SH3KBP1: variants seen among roughly 807,000 people sequenced by gnomAD.
SH3KBP1 encodes SH3 domain containing kinase binding protein 1, also known as SH3 domain-containing kinase-binding protein 1.
In SH3KBP1, 8 loss-of-function variants were observed where a neutral mutation model predicts 50.1. The observed-to-expected ratio is 0.16, with a 90% CI of 0.09 to 0.29. The LOEUF is 0.29. Among genes scored for constraint, SH3KBP1 ranks in the 10% least tolerant of loss-of-function variants. The pLI is 1.00. For synonymous variants in SH3KBP1, 227 were observed against 218.6 expected (o/e 1.04, Z -0.34); for missense variants, 377 against 535.2 (o/e 0.70, Z 2.92).
At chrX:19,607,822 TG>T (rs2067286109) in intron 9 of SH3KBP1, 115 bp downstream of exon 9, 1 of 579,548 alleles carries the variant, frequency 1.7e-6, no homozygotes, top group African/African-American at 2.2e-5. Context: ...GCTCAGAATC[TG>T]GGTCTGTTGA....
chrX:19,613,932 A>G (rs2067515769), intron 8 of SH3KBP1, among the ~76,000 whole-genome samples: 1 of 112,911 alleles, frequency 8.9e-6, no homozygotes, highest in Non-Finnish European at 1.9e-5. Flanking sequence ...ATAAAGAGTG[A>G]CACAAGAGCT....
At chrX:19,757,552 T>C (rs2065249354) in intron 2 of SH3KBP1, among the ~76,000 whole-genome samples, 1 of 94,659 alleles carries the variant, frequency 1.1e-5, no homozygotes, top group Non-Finnish European at 2.1e-5. Context: ...TTGTCTATAT[T>C]ATCTTATGTC....
At chrX:19,638,888 G>A (rs1473553795) in intron 7 of SH3KBP1, among the ~76,000 whole-genome samples, 1 of 111,979 alleles carries the variant, frequency 8.9e-6, no homozygotes, top group Non-Finnish European at 1.9e-5. Flanking sequence ...CAATGCCCTC[G>A]TGGGGCTTAC....
intron 2 of SH3KBP1, among the ~76,000 whole-genome samples, chrX:19,793,813 T>C (rs1193326604): frequency 9.0e-6 from 1 of 110,814 alleles, no homozygotes; most frequent in Non-Finnish European, 1.9e-5. Flanking sequence ...GCTTAAACTG[T>C]GAAGCACCAG....
intron 1 of SH3KBP1, among the ~76,000 whole-genome samples, chrX:19,844,188 G>A (rs1335702829): frequency 1.8e-5 from 2 of 111,370 alleles, no homozygotes; most frequent in Non-Finnish European, 3.8e-5. Flanking sequence ...ATGCTATGCT[G>A]TGAGGGCTTC....
intron 2 of SH3KBP1, among the ~76,000 whole-genome samples, chrX:19,790,295 A>G (rs781285994): frequency 1.8e-5 from 2 of 111,452 alleles, no homozygotes; most frequent in African/African-American, 6.5e-5. Flanking sequence ...CAGATACCAA[A>G]TCATATAAAA....
In SH3KBP1 at chrX:19,799,878, A is replaced by C; in HGVS notation, c.162+36247T>G. 4.3e-6 allele frequency: 4 copies of C among 922,490 alleles called. No homozygotes were observed. The South Asian group carries it at 1.3e-4, about 30-fold the overall frequency. 76.0% of individuals were successfully genotyped at this position (922,490 alleles called of 1,213,427 possible). A position where few individuals can be genotyped will look rare whatever the true frequency, so the allele number is the denominator to read the frequency against. The stretch of plus-strand genomic sequence containing the variant: ...TGGTGGTTTTTTTGTAATTCTTTGC[A>C]CTTATTTCTGTCGCAAATCAAGTGA... On this transcript the variant is annotated intron_variant, in intron 2 of 17. Transcript: ENST00000397821.
intron 2 of SH3KBP1, among the ~76,000 whole-genome samples, chrX:19,754,151 T>C (rs899125922): frequency 7.1e-5 from 8 of 111,969 alleles, no homozygotes; most frequent in African/African-American, 2.6e-4. Context: ...ATAACACGAA[T>C]AAGAAAATAA....
intron 5 of SH3KBP1, among the ~76,000 whole-genome samples, chrX:19,693,586 CAGTA>C (rs1489538854): frequency 2.7e-5 from 3 of 111,466 alleles, no homozygotes; most frequent in Non-Finnish European, 5.7e-5. Flanking sequence ...GCTTTTAATT[CAGTA>C]AGTGTGTTGG....
chrX:19,666,923 C>G (rs935738739), intron 6 of SH3KBP1, among the ~76,000 whole-genome samples: 1 of 112,257 alleles, frequency 8.9e-6, no homozygotes, highest in Non-Finnish European at 1.9e-5. Flanking sequence ...TTATTCACAA[C>G]AGCCAAAAGA....
intron 2 of SH3KBP1, among the ~76,000 whole-genome samples, chrX:19,795,583 A>G (rs1381424950): frequency 1.8e-5 from 2 of 111,464 alleles, no homozygotes; most frequent in Non-Finnish European, 3.8e-5. Flanking sequence ...GCCATTACAG[A>G]GGCCATATTC....
intron 2 of SH3KBP1, among the ~76,000 whole-genome samples, chrX:19,760,765 C>T (rs1439287236): frequency 1.8e-5 from 2 of 110,891 alleles, no homozygotes; most frequent in African/African-American, 6.6e-5. Flanking sequence ...AATAATGGCA[C>T]AGCCTCTGGG....
intron 8 of SH3KBP1, among the ~76,000 whole-genome samples, chrX:19,612,664 A>G (rs1488350405): frequency 8.9e-6 from 1 of 112,209 alleles, no homozygotes; most frequent in African/African-American, 3.2e-5. Context: ...GCTGGGCTAG[A>G]CTTCTAAAAT....
intron 5 of SH3KBP1, among the ~76,000 whole-genome samples, chrX:19,691,734 T>C (rs2063298413): frequency 9.0e-6 from 1 of 111,348 alleles, no homozygotes; most frequent in African/African-American, 3.3e-5. Flanking sequence ...AAGAAGACTT[T>C]AGGGGAAAGT....
intron 8 of SH3KBP1, among the ~76,000 whole-genome samples, chrX:19,619,514 A>G (rs2067737674): frequency 9.0e-6 from 1 of 111,499 alleles, no homozygotes; most frequent in South Asian, 3.8e-4. Context: ...GGTTGGGTGC[A>G]GTGGCTCACA....
At chrX:19,563,120 G>C (rs941296203) in intron 13 of SH3KBP1, among the ~76,000 whole-genome samples, 15 of 112,227 alleles carry the variant, frequency 1.3e-4, no homozygotes, top group African/African-American at 4.9e-4. Flanking sequence ...CAGCCACCGT[G>C]ATGGACCACC....
At chrX:19,707,168 C>G in intron 3 of SH3KBP1, 184 bp from the exon 4 acceptor site, 1 of 542,762 alleles carries the variant, frequency 1.8e-6, no homozygotes, top group Non-Finnish European at 3.3e-6. Context: ...AGCAATGCTT[C>G]TTGGTCTTTT....
chrX:19,776,029 A>T (rs905679282), intron 2 of SH3KBP1, among the ~76,000 whole-genome samples: 4 of 111,618 alleles, frequency 3.6e-5, no homozygotes, highest in African/African-American at 1.3e-4. Flanking sequence ...CCTGATATTT[A>T]GCACAAATGT....
At chrX:19,707,179 A>T (rs2063669908) in intron 3 of SH3KBP1, 195 bp from the exon 4 acceptor site, 1 of 534,070 alleles carries the variant, frequency 1.9e-6, no homozygotes, top group Non-Finnish European at 3.4e-6. Flanking sequence ...TTGGTCTTTT[A>T]AAAGCTGCTG....
Sources: allele counts gnomAD v4.1 joint callset (sites outside exome capture counted in the v4.1 genomes callset), GRCh38; gene constraint gnomAD v4.1.1; transcripts MANE v1.5; gene names NCBI Gene and HGNC (gene_info 2026-07-23, HGNC 2026-07-21).